UBE4B: variants seen among roughly 807,000 people sequenced by gnomAD.
The protein encoded by UBE4B is ubiquitin conjugation factor E4 B.
In UBE4B, 27 loss-of-function variants were observed where a neutral mutation model predicts 148.1. The observed-to-expected ratio is 0.18, with a 90% CI of 0.13 to 0.25. The LOEUF is 0.25. UBE4B is among the 10% of genes least tolerant of loss of function. UBE4B has a pLI of 1.00. For missense variants in UBE4B, 1,170 were observed against 1,662.4 expected (o/e 0.70, Z 5.15); for synonymous variants, 596 against 619.3 (o/e 0.96, Z 0.56).
chr1:10,073,650 G>T (rs1644524975), intron 2 of UBE4B, among the ~76,000 whole-genome samples: 1 of 152,092 alleles, frequency 6.6e-6, no homozygotes, highest in Admixed American at 6.6e-5. Context: ...AACCCGGGAG[G>T]TGGAGGTTGC....
intron 21 of UBE4B, among the ~76,000 whole-genome samples, chr1:10,156,726 T>C (rs1313668318): frequency 6.6e-6 from 1 of 152,130 alleles, no homozygotes; most frequent in Non-Finnish European, 1.5e-5. Context: ...TAAATGACAT[T>C]TAGTTTATTT....
chr1:10,054,160 C>T (rs901462346), intron 1 of UBE4B, among the ~76,000 whole-genome samples: 8 of 151,498 alleles, frequency 5.3e-5, no homozygotes, highest in Non-Finnish European at 1.0e-4. Flanking sequence ...TTTATTTCTT[C>T]CATGATGATT....
chr1:10,124,022 G>C (rs886573016), intron 10 of UBE4B, among the ~76,000 whole-genome samples: 1 of 152,052 alleles, frequency 6.6e-6, no homozygotes, highest in Non-Finnish European at 1.5e-5. Context: ...TGATCCACCC[G>C]CCTCAGCCGC....
rs7414561 is a variant in UBE4B at position 10,137,107 on chromosome 1, G to T, written c.2265G>T (p.Thr755=). The T allele has an allele frequency of 1.6e-5, 26 of 1,614,032 alleles. No individual in the cohort carries two copies. The highest frequency in any genetic ancestry group is 8.5e-7 in the Non-Finnish European group (1 of 1,180,014). Residue 755 remains threonine (T), a synonymous_variant, in exon 17 of 28, where the codon ACG becomes ACT. Transcript: ENST00000343090. ...CATTTTCTGAGCCGAAATTCCCTACGGAGTGCTTCTTTCTCACCCTGCATG... is the reference window on the plus strand; with the variant it reads ...CATTTTCTGAGCCGAAATTCCCTACTGAGTGCTTCTTTCTCACCCTGCATG... ...QPPFSEPKFP[T]ECFFLTLHAH... is the part of the protein sequence containing the mutation.
At chr1:10,088,389 A>T (rs11802173) in intron 2 of UBE4B, among the ~76,000 whole-genome samples, 3,901 of 150,942 alleles carry the variant, frequency 0.026, 159 homozygotes, top group African/African-American at 0.09. Context: ...AATTTATTTT[A>T]TTTTTTTTTG....
chr1:10,099,832 C>T (rs912732076), intron 3 of UBE4B, among the ~76,000 whole-genome samples: 8 of 152,034 alleles, frequency 5.3e-5, no homozygotes, highest in Non-Finnish European at 1.2e-4. Flanking sequence ...AAATTGGACA[C>T]GTGACATAGG....
At chr1:10,048,818 G>T (rs1643968833) in intron 1 of UBE4B, among the ~76,000 whole-genome samples, 1 of 152,206 alleles carries the variant, frequency 6.6e-6, no homozygotes, top group South Asian at 2.1e-4. Context: ...GGCTCCAGGG[G>T]TGCACTGGGA....
chr1:10,038,808 G>A (rs1276270655), intron 1 of UBE4B, among the ~76,000 whole-genome samples: 1 of 152,012 alleles, frequency 6.6e-6, no homozygotes, highest in Non-Finnish European at 1.5e-5. Context: ...AAAAATTTGG[G>A]AGTTGGGGCC....
At chr1:10,089,110 G>T (rs191366478) in intron 2 of UBE4B, among the ~76,000 whole-genome samples, 3 of 152,186 alleles carry the variant, frequency 2.0e-5, no homozygotes, top group African/African-American at 7.2e-5. Context: ...AGGTTCCAGT[G>T]ATTCTGCTGC....
chr1:10,097,052 A>AAAAAAATAATAAT (rs554089049), intron 3 of UBE4B, among the ~76,000 whole-genome samples: 2 of 138,516 alleles, frequency 1.4e-5, no homozygotes, highest in African/African-American at 5.3e-5. Context: ...AAAAAAAAAA[A>AAAAAAATAATAAT]AATAATAATA....
At chr1:10,086,023 G>C (rs1047131115) in intron 2 of UBE4B, among the ~76,000 whole-genome samples, 12 of 151,570 alleles carry the variant, frequency 7.9e-5, no homozygotes, top group African/African-American at 1.2e-4. Flanking sequence ...CCAGGCTGGA[G>C]TGCAGTGGCA....
At chr1:10,173,193 T>C (rs1179327532) in intron 25 of UBE4B, among the ~76,000 whole-genome samples, 1 of 152,132 alleles carries the variant, frequency 6.6e-6, no homozygotes, top group Non-Finnish European at 1.5e-5. Flanking sequence ...AAATATATAC[T>C]GCTGGCCGAG....
chr1:10,053,915 G>A (rs952540905), intron 1 of UBE4B, among the ~76,000 whole-genome samples: 1 of 152,028 alleles, frequency 6.6e-6, no homozygotes, highest in Admixed American at 6.6e-5. Context: ...TTGAATTCCT[G>A]GGTTCAAGTG....
chr1:10,069,902 A>G (rs944652395), intron 1 of UBE4B, among the ~76,000 whole-genome samples: 1 of 152,176 alleles, frequency 6.6e-6, no homozygotes, highest in East Asian at 1.9e-4. Context: ...TAGGCTCCAG[A>G]TAAGTAAAGT....
chr1:10,121,084 G>T (rs753299212), intron 9 of UBE4B, among the ~76,000 whole-genome samples: 1 of 152,186 alleles, frequency 6.6e-6, no homozygotes, highest in South Asian at 2.1e-4. Context: ...ATATAATACG[G>T]CCAGGCGTGG....
At chr1:10,165,089 C>A (rs1203482285) in intron 23 of UBE4B, among the ~76,000 whole-genome samples, 1 of 152,088 alleles carries the variant, frequency 6.6e-6, no homozygotes, top group Admixed American at 6.6e-5. Context: ...TCTAAAGACT[C>A]CAGAATATAT....
chr1:10,033,553 C>A lies in UBE4B; in HGVS notation c.-118C>A. 1 of 1,227,518 alleles carries A rather than the reference C, an allele frequency of 8.1e-7. No homozygotes were observed. The highest frequency in any genetic ancestry group is 2.1e-5 in the South Asian group (1 of 48,628). 76.0% of individuals were successfully genotyped at this position (1,227,518 alleles called of 1,614,324 possible). A position where few individuals can be genotyped will look rare whatever the true frequency, so the allele number is the denominator to read the frequency against. Reference sequence around the variant, plus strand: ...ACCTCTGACTATGCAATTCTGAAACCTCCCCCATTCGGGGGACCAGACAGC... The same window carrying A: ...ACCTCTGACTATGCAATTCTGAAACATCCCCCATTCGGGGGACCAGACAGC... On this transcript the variant is annotated 5_prime_UTR_variant, in exon 1 of 28. Coordinates refer to ENST00000343090, the MANE Select transcript of UBE4B (RefSeq NM_001105562.3).
chr1:10,172,748 T>A (rs927547231), intron 25 of UBE4B, among the ~76,000 whole-genome samples: 1 of 152,214 alleles, frequency 6.6e-6, no homozygotes, highest in Non-Finnish European at 1.5e-5. Context: ...ATGTAGGTGC[T>A]TTCTGATGTA....
chr1:10,087,605 T>A (rs568869738), intron 2 of UBE4B, among the ~76,000 whole-genome samples: 2 of 152,298 alleles, frequency 1.3e-5, no homozygotes, highest in African/African-American at 4.8e-5. Flanking sequence ...AAGACTGGGG[T>A]TGTGGGTTTT....
Sources: allele counts gnomAD v4.1 joint callset (sites outside exome capture counted in the v4.1 genomes callset), GRCh38; gene constraint gnomAD v4.1.1; transcripts MANE v1.5; gene names NCBI Gene and HGNC (gene_info 2026-07-23, HGNC 2026-07-21).